Variants in FIBP observed in about 807,000 individuals in gnomAD.
FIBP encodes acidic fibroblast growth factor intracellular-binding protein.
In FIBP, 29 loss-of-function variants were observed where a neutral mutation model predicts 40.5. The ratio of observed to expected loss-of-function variants is 0.72; its 90% CI spans 0.53 to 0.98. FIBP has a LOEUF of 0.98. Among genes scored for constraint, FIBP ranks in the 50% least tolerant of loss-of-function variants. The probability of loss-of-function intolerance (pLI) is 0.00; values close to 1 mark genes in which losing one functional copy is unlikely to be tolerated. For synonymous variants in FIBP, 215 were observed against 191.1 expected, an observed-to-expected ratio of 1.13 and a Z score of -1.03; for missense variants, 411 against 470.2, an observed-to-expected ratio of 0.87 and a Z score of 1.16.
chr11:65,885,518 TG>T lies in FIBP; in HGVS notation c.646+11del. Reference sequence around the variant, plus strand: ...GGAGGCGTCCAGGCACCTGGGTCAGTGGGGGCCTCACCGACGGCTCCAAGGG... The same window carrying T: ...GGAGGCGTCCAGGCACCTGGGTCAGTGGGGCCTCACCGACGGCTCCAAGGG... On this transcript the variant is annotated intron_variant, in intron 5 of 9. Coordinates refer to ENST00000357519, the MANE Select transcript of FIBP (RefSeq NM_004214.5). The T allele has an allele frequency of 1.2e-6, 2 of 1,612,110 alleles. No homozygotes were observed. Among genetic ancestry groups the T allele is most frequent in the Non-Finnish European group, 1.7e-6 (2 of 1,178,768 alleles).
chr11:65,884,279 G>T, intron 9 of FIBP, 113 bp downstream of exon 9: 3 of 989,688 alleles, frequency 3.0e-6, no homozygotes, highest in Non-Finnish European at 4.6e-6. Context: ...CAGAGACTTT[G>T]GTCCCACCCC....
intron 3 of FIBP, 115 bp downstream of exon 3, chr11:65,887,485 G>A (rs768463167): frequency 1.9e-5 from 21 of 1,130,608 alleles, no homozygotes; most frequent in Admixed American, 8.5e-5. Context: ...GGGAAGGGAG[G>A]AGAAGACTAG....
At position 65,886,427 on chromosome 11, in the gene FIBP, AG is replaced by A; in HGVS notation, c.412-6del. 1.3e-6 allele frequency: 2 copies of A among 1,595,860 alleles called. No homozygotes were observed. The highest frequency in any genetic ancestry group is 2.7e-5 in the African/African-American group (2 of 74,640). On this transcript the variant is annotated splice_polypyrimidine_tract_variant and splice_region_variant and intron_variant, in intron 3 of 9. Transcript: ENST00000357519. ...GACCCGTTTAAAGTTGTCAAACTGC[AG>A]GGCAGTTAGGGTAGAAGAGAGGACT...
chr11:65,888,342 C>T lies in FIBP; in HGVS notation c.77G>A (p.Gly26Asp), dbSNP rs1860300400. ...DEDVYRLWLD[G>D]YSVTDAVALR... ...ACACGCCCCTCACGGACCCGAGTAA[C>T]CATCGAGCCAGAGGCGATACACGTC... Residue 26 changes from glycine to aspartate, a missense_variant, in exon 1 of 10, where the codon GGT becomes GAT. By Grantham distance (94) the Gly-to-Asp change is moderately conservative. Transcript: ENST00000357519. 6.4e-7 allele frequency: 1 copy of T among 1,554,298 alleles called. No homozygotes were observed. The highest frequency in any genetic ancestry group is 1.4e-5 in the African/African-American group (1 of 73,266).
In FIBP at chr11:65,884,628, G is replaced by A. The variant is rs1210469931; in HGVS notation, c.848C>T (p.Ala283Val). ...KNLSRGLVNV[A>V]AKLTHNKDVR... ...ATCTTTATTGTGGGTCAGCTTGGCG[G>A]CCACGTTCACCAGCCCCCGGGACAG... Residue 283 changes from alanine to valine, a missense_variant, in exon 8 of 10, where the codon GCC (alanine) becomes GTC (valine). By Grantham distance (64) the Ala-to-Val change is moderately conservative. Coordinates refer to ENST00000357519, the MANE Select transcript of FIBP (RefSeq NM_004214.5). The A allele has an allele frequency of 3.7e-6, 6 of 1,614,158 alleles. No individual in the cohort carries two copies. The highest frequency in any genetic ancestry group is 1.1e-5 in the South Asian group (1 of 91,088).
At chr11:65,886,189 A>G in intron 4 of FIBP, 133 bp downstream of exon 4, 1 of 529,436 alleles carries the variant, frequency 1.9e-6, no homozygotes, top group Non-Finnish European at 3.4e-6. Context: ...AAAAAAAAAA[A>G]AGTACAGACC....
intron 2 of FIBP, 34 bp from the exon 3 acceptor site, chr11:65,887,760 TAA>T: frequency 1.9e-6 from 3 of 1,600,416 alleles, no homozygotes; most frequent in Non-Finnish European, 2.6e-6. Flanking sequence ...TGACCCTCCA[TAA>T]AAGACAGGAA....
Position 65,883,793 on chromosome 11 carries a change from T to C in FIBP, c.*181A>G. ...TGGGCTGAGCACAGACACCATTCCC[T>C]GAGATATGTCTCAGTTCCCAAGGAG... On this transcript the variant is annotated 3_prime_UTR_variant, in exon 10 of 10. Transcript: ENST00000357519. The C allele has an allele frequency of 1.4e-6, 1 of 737,076 alleles. No homozygotes were observed. The highest frequency in any genetic ancestry group is 2.3e-6 in the Non-Finnish European group (1 of 441,926). 45.7% of individuals were successfully genotyped at this position (737,076 alleles called of 1,614,324 possible).
chr11:65,888,451 G>A lies in FIBP; in HGVS notation c.-33C>T, dbSNP rs762853367. 6.6e-6 allele frequency: 10 copies of A among 1,510,622 alleles called. No individual in the cohort carries two copies. The Admixed American group carries it at 9.8e-5, about 15-fold the overall frequency. The allele number at this position is 1,510,622 out of a possible 1,614,324, so 93.6% of individuals were successfully genotyped here. ...CCCGGGGCCGCAGCGCCCCGAGCAG[G>A]AGCGAGCACTGCTCGGGACTGGCGC... On this transcript the variant is annotated 5_prime_UTR_variant, in exon 1 of 10. Transcript: ENST00000357519.
chr11:65,885,598 T>A lies in FIBP; in HGVS notation c.578A>T (p.Tyr193Phe), dbSNP rs1383615097. Reference protein sequence around the residue: ...RFETGKKKLQYLSFGDFAFCA... With the variant: ...RFETGKKKLQFLSFGDFAFCA... The stretch of plus-strand genomic sequence containing the variant: ...GAAGGCAAAGTCACCGAAGCTCAGA[T>A]ACTGCAGTTTTTTCTTCCCTGTCTC... Residue 193 changes from tyrosine to phenylalanine, a missense_variant, in exon 5 of 10, where the codon TAT becomes TTT. Transcript: ENST00000357519. 2.5e-6 allele frequency: 4 copies of A among 1,614,190 alleles called. No homozygotes were observed. Among genetic ancestry groups the A allele is most frequent in the Non-Finnish European group, 3.4e-6 (4 of 1,180,022 alleles).
chr11:65,884,972 T>C lies in FIBP; in HGVS notation c.782A>G (p.Lys261Arg), dbSNP rs768081747. Residue 261 changes from lysine to arginine, a missense_variant, in exon 7 of 10, where the codon AAG becomes AGG. Transcript: ENST00000357519. Reference protein sequence around the residue: ...KSLVCTALRGKLGVFSEMEAN... With the variant: ...KSLVCTALRGRLGVFSEMEAN... ...TTCCATCTCAGAGAAGACGCCCAGC[T>C]TTCCCCGGAGAGCAGTGCACACCAG... is the stretch of plus-strand genomic sequence containing the variant. The C allele has an allele frequency of 1.2e-6, 2 of 1,614,140 alleles. No individual in the cohort carries two copies. The highest frequency in any genetic ancestry group is 2.2e-5 in the South Asian group (2 of 91,080).
intron 9 of FIBP, 136 bp from the exon 10 acceptor site, chr11:65,884,179 G>C (rs977078492): frequency 3.7e-6 from 3 of 806,614 alleles, no homozygotes. Context: ...ATGAACCCTA[G>C]TTTGTACATG....
chr11:65,886,189 A>AC, intron 4 of FIBP, 133 bp downstream of exon 4: 1 of 529,436 alleles, frequency 1.9e-6, no homozygotes, highest in Non-Finnish European at 3.4e-6. Context: ...AAAAAAAAAA[A>AC]AGTACAGACC....
chr11:65,887,507 C>A (rs750039469), intron 3 of FIBP, 93 bp downstream of exon 3: 1 of 1,372,302 alleles, frequency 7.3e-7, no homozygotes, highest in Non-Finnish European at 1.0e-6. Context: ...TATGAAGCTG[C>A]TGCCACAATC....
intron 7 of FIBP, 131 bp downstream of exon 7, chr11:65,884,804 G>C: frequency 7.5e-7 from 1 of 1,334,892 alleles, no homozygotes; most frequent in Non-Finnish European, 1.1e-6. Context: ...AGCTGCTCCC[G>C]TCAGCGGCCA....
intron 5 of FIBP, 159 bp from the exon 6 acceptor site, chr11:65,885,345 T>C: frequency 3.3e-6 from 3 of 900,124 alleles, no homozygotes; most frequent in Non-Finnish European, 5.3e-6. Context: ...AGAGAGGCAA[T>C]GGGCCCTTTG....
rs1434231911 is a variant in FIBP at position 65,888,019 on chromosome 11, C to A, written c.199G>T (p.Glu67Ter). ...MDHYRTFHML[E>*]RLLHAPPKLL... ...TTGGGCGGCGCATGCAGCAGCCGCT[C>A]GAGCATGTGGAAGGTGCGGTAATGG... is the stretch of plus-strand genomic sequence containing the variant. Residue 67 changes from glutamate to a stop codon, truncating the protein, a stop_gained, in exon 2 of 10, where the codon GAG (glutamate) becomes TAG (stop). Coordinates refer to ENST00000357519, the MANE Select transcript of FIBP (RefSeq NM_004214.5). LOFTEE classifies it high-confidence loss of function. The A allele has an allele frequency of 6.2e-7, 1 of 1,613,068 alleles. No homozygotes were observed. The highest frequency in any genetic ancestry group is 8.5e-7 in the Non-Finnish European group (1 of 1,179,756).
At chr11:65,884,732 G>A in intron 7 of FIBP, 76 bp from the exon 8 acceptor site, 2 of 1,487,232 alleles carry the variant, frequency 1.3e-6, no homozygotes, top group Non-Finnish European at 1.9e-6. Flanking sequence ...TGGGGGAGGA[G>A]GAGCAGGCCC....
At chr11:65,884,836 C>T (rs574840533) in intron 7 of FIBP, 99 bp downstream of exon 7, 2 of 1,472,404 alleles carry the variant, frequency 1.4e-6, no homozygotes, top group African/African-American at 2.8e-5. Context: ...AGCAGTGCCA[C>T]CTGCCGGCCA....
Sources: allele counts gnomAD v4.1 joint callset, GRCh38; gene constraint gnomAD v4.1.1; transcripts MANE v1.5; gene names NCBI Gene and HGNC (gene_info 2026-07-23, HGNC 2026-07-21).